The following TBL1X variants were observed in gnomAD, a reference collection of about 807,000 sequenced individuals.
TBL1X encodes the protein F-box-like/WD repeat-containing protein TBL1X.
Under a neutral mutation model 50.7 loss-of-function variants are expected in TBL1X, and 10 were observed. That is an observed-to-expected ratio of 0.20 (90% CI 0.12 to 0.33). The LOEUF (loss-of-function observed/expected upper bound fraction) is 0.33, where lower values mean the gene tolerates loss of function less well. TBL1X is among the 10% of genes least tolerant of loss of function. The pLI is 1.00. For synonymous variants in TBL1X, 190 were observed against 214.7 expected (o/e 0.88, Z 1.01); for missense variants, 340 against 504.4 (o/e 0.67, Z 3.12).
At chrX:9,702,893 A>G (rs186990032) in intron 12 of TBL1X, among the ~76,000 whole-genome samples, 1 of 111,744 alleles carries the variant, frequency 8.9e-6, no homozygotes, top group Non-Finnish European at 1.9e-5. Flanking sequence ...GAGCCCACTC[A>G]GTAGCTAAAA....
chrX:9,659,103 C>T (rs763341690), intron 5 of TBL1X, among the ~76,000 whole-genome samples: 7 of 111,994 alleles, frequency 6.3e-5, no homozygotes, highest in Non-Finnish European at 1.3e-4. Flanking sequence ...GCATTACAGG[C>T]ATGAGCCACT....
chrX:9,579,865 G>A lies in TBL1X; in HGVS notation c.-130-60408G>A, dbSNP rs780001859. ...CACCGTGATAGAATGTCCAAGAAAG[G>A]AACAAAGGAAGAGGCAACTAAGGGA... is the stretch of plus-strand genomic sequence containing the variant. On this transcript the variant is annotated intron_variant, in intron 2 of 17. Transcript: ENST00000645353. Among the ~76,000 whole-genome samples, 53 of 111,269 alleles carry A rather than the reference G, an allele frequency of 4.8e-4. 1 individual carries two copies. Among genetic ancestry groups the A allele is most frequent in the African/African-American group, 1.7e-3 (51 of 30,640 alleles).
chrX:9,558,516 T>C (rs1365661898), intron 2 of TBL1X, among the ~76,000 whole-genome samples: 1 of 103,415 alleles, frequency 9.7e-6, no homozygotes, highest in Non-Finnish European at 2.0e-5. Flanking sequence ...AAACTCCATC[T>C]CAAAAAAAAA....
chrX:9,572,440 T>C (rs1474902128), intron 2 of TBL1X, among the ~76,000 whole-genome samples: 2 of 112,921 alleles, frequency 1.8e-5, no homozygotes, highest in African/African-American at 6.4e-5. Context: ...GTATAAACTT[T>C]CAATCCGTGT....
chrX:9,685,379 C>T (rs778147917), intron 6 of TBL1X, among the ~76,000 whole-genome samples: 2 of 111,914 alleles, frequency 1.8e-5, no homozygotes, highest in South Asian at 3.8e-4. Context: ...CAGCCTCGAC[C>T]TCCTGGGCTC....
At chrX:9,571,687 C>T (rs1306234804) in intron 2 of TBL1X, among the ~76,000 whole-genome samples, 1 of 112,117 alleles carries the variant, frequency 8.9e-6, no homozygotes, top group Admixed American at 9.4e-5. Flanking sequence ...TAGGACTTTC[C>T]CAGCTTTCCA....
chrX:9,657,498 C>T (rs1197226757), intron 5 of TBL1X, among the ~76,000 whole-genome samples: 2 of 112,627 alleles, frequency 1.8e-5, no homozygotes, highest in African/African-American at 6.5e-5. Context: ...CTGATGGCCT[C>T]AGACAGCCGG....
At chrX:9,680,729 T>A (rs889655727) in intron 5 of TBL1X, among the ~76,000 whole-genome samples, 3 of 111,943 alleles carry the variant, frequency 2.7e-5, no homozygotes, top group Non-Finnish European at 5.6e-5. Context: ...GGAGGACTTC[T>A]GTTAACCATG....
At chrX:9,705,931 T>C in intron 13 of TBL1X, among the ~76,000 whole-genome samples, 1 of 110,756 alleles carries the variant, frequency 9.0e-6, no homozygotes, top group African/African-American at 3.3e-5. Flanking sequence ...CATCTGCTTC[T>C]GGGGAGGCTT....
chrX:9,556,529 C>T (rs2082300852), intron 2 of TBL1X, among the ~76,000 whole-genome samples: 1 of 109,167 alleles, frequency 9.2e-6, no homozygotes. Flanking sequence ...GTGGTCCACA[C>T]CTGTAGTCCC....
intron 2 of TBL1X, among the ~76,000 whole-genome samples, chrX:9,633,213 A>G (rs1315344976): frequency 8.9e-6 from 1 of 112,238 alleles, no homozygotes; most frequent in African/African-American, 3.2e-5. Flanking sequence ...ATTTGTGTGC[A>G]AAATTGGTCA....
At chrX:9,646,273 C>T (rs1465043988) in intron 3 of TBL1X, among the ~76,000 whole-genome samples, 1 of 112,345 alleles carries the variant, frequency 8.9e-6, no homozygotes, top group African/African-American at 3.2e-5. Flanking sequence ...GAGAACCACA[C>T]ATTGTCTTCT....
At chrX:9,581,696 G>A (rs971648661) in intron 2 of TBL1X, among the ~76,000 whole-genome samples, 8 of 112,208 alleles carry the variant, frequency 7.1e-5, no homozygotes, top group African/African-American at 2.6e-4. Context: ...AGTGCTGCGA[G>A]AAGGTTTATC....
At chrX:9,495,145 C>G (rs1245464824) in intron 1 of TBL1X, among the ~76,000 whole-genome samples, 1 of 111,212 alleles carries the variant, frequency 9.0e-6, no homozygotes, top group Non-Finnish European at 1.9e-5. Flanking sequence ...CTGGCTTTTT[C>G]CGTTCACAGC....
intron 12 of TBL1X, among the ~76,000 whole-genome samples, chrX:9,701,569 T>TAAAAAAAAAAAAAAAA (rs63287561): frequency 2.1e-5 from 1 of 47,035 alleles, no homozygotes; most frequent in African/African-American, 8.6e-5. Context: ...CTTGATGAGC[T>TAAAAAAAAAAAAAAAA]AAAAAAAAAA....
At chrX:9,568,367 C>T (rs1022404624) in intron 2 of TBL1X, among the ~76,000 whole-genome samples, 31 of 103,517 alleles carry the variant, frequency 3.0e-4, no homozygotes, top group African/African-American at 9.7e-4. Context: ...ACGTGCTGTG[C>T]GGCATGCTGT....
At chrX:9,635,317 C>T (rs1020003625) in intron 2 of TBL1X, among the ~76,000 whole-genome samples, 1 of 110,585 alleles carries the variant, frequency 9.0e-6, no homozygotes, top group Non-Finnish European at 1.9e-5. Context: ...GGGGCGGCAG[C>T]GGGCACTGTC....
chrX:9,687,671 G>T (rs2146633074), intron 6 of TBL1X, among the ~76,000 whole-genome samples: 1 of 106,527 alleles, frequency 9.4e-6, no homozygotes, highest in East Asian at 2.9e-4. Flanking sequence ...AGGAGTCACA[G>T]TCACCCCCCG....
At chrX:9,696,865 A>G (rs777170246) in intron 11 of TBL1X, among the ~76,000 whole-genome samples, 1 of 112,268 alleles carries the variant, frequency 8.9e-6, no homozygotes, top group South Asian at 3.7e-4. Context: ...CCTAGTTTCC[A>G]TTATCGGAAT....
Sources: gnomAD v4.1 joint callset for allele counts (sites outside exome capture counted in the v4.1 genomes callset) on GRCh38, gnomAD v4.1.1 for gene constraint, MANE v1.5 for transcripts, NCBI Gene and HGNC (gene_info 2026-07-23, HGNC 2026-07-21) for gene names.